CHD6: variants seen among roughly 807,000 people sequenced by gnomAD.
The protein encoded by CHD6 is chromodomain helicase DNA binding protein 6.
A neutral mutation model predicts 276.9 loss-of-function variants in CHD6; 50 were observed. That is an observed-to-expected ratio of 0.18 (90% CI 0.14 to 0.23). CHD6 has a LOEUF of 0.23. Among genes scored for constraint, CHD6 ranks in the 10% least tolerant of loss-of-function variants. CHD6 has a pLI of 1.00. For synonymous variants in CHD6, 1,173 were observed against 1,229.3 expected, an observed-to-expected ratio of 0.95 and a Z score of 0.96; for missense variants, 2,564 against 3,365.8, an observed-to-expected ratio of 0.76 and a Z score of 5.89.
chr20:41,558,798 T>C (rs2045268480), intron 1 of CHD6, among the ~76,000 whole-genome samples: 1 of 152,060 alleles, frequency 6.6e-6, no homozygotes, highest in Non-Finnish European at 1.5e-5. Flanking sequence ...AAATATCACC[T>C]TAGCAGCAAT....
chr20:41,554,252 C>G (rs951299325), intron 1 of CHD6, among the ~76,000 whole-genome samples: 6 of 152,168 alleles, frequency 3.9e-5, no homozygotes, highest in African/African-American at 1.2e-4. Flanking sequence ...GCAGGGACAT[C>G]AGAAAGCACA....
intron 3 of CHD6, among the ~76,000 whole-genome samples, chr20:41,526,095 T>G (rs992112582): frequency 1.2e-4 from 19 of 152,204 alleles, no homozygotes; most frequent in African/African-American, 4.6e-4. Context: ...CCTTACAGAT[T>G]TGGTAAAGGT....
intron 2 of CHD6, 146 bp downstream of exon 2, chr20:41,551,159 A>G (rs1419813433): frequency 1.3e-5 from 8 of 631,466 alleles, no homozygotes; most frequent in Non-Finnish European, 2.2e-5. Context: ...TAAGTCATTC[A>G]GAACAGAGCT....
intron 12 of CHD6, 65 bp from the exon 13 acceptor site, chr20:41,488,669 T>G: frequency 1.4e-6 from 2 of 1,449,536 alleles, no homozygotes; most frequent in South Asian, 2.6e-5. Flanking sequence ...TAATATCTGC[T>G]GGACTACAGG....
At chr20:41,552,542 T>C (rs1845401648) in intron 1 of CHD6, among the ~76,000 whole-genome samples, 1 of 152,220 alleles carries the variant, frequency 6.6e-6, no homozygotes, top group African/African-American at 2.4e-5. Context: ...TTTGTCAATT[T>C]GCAATTTAAA....
In CHD6 at chr20:41,455,950, C is replaced by T. The variant is rs774453443; in HGVS notation, c.2859G>A (p.Glu953=). The change falls in exon 19 of 37, where the codon GAG becomes GAA. Residue 953 remains glutamate, a synonymous_variant. Transcript: ENST00000373233. The stretch of plus-strand genomic sequence containing the variant: ...CATAAGCACCTTTCCGGAGTAGGTC[C>T]TCCACCTCCATTTTTGAGAGCTGCT... The part of the protein sequence containing the change: ...GVQQLSKMEV[E]DLLRKGAYGA... 1 of 1,586,698 alleles carries T rather than the reference C, an allele frequency of 6.3e-7. No homozygotes were observed. The highest frequency in any genetic ancestry group is 1.8e-5 in the Admixed American group (1 of 55,010).
chr20:41,450,441 G>A (rs1173691066), intron 23 of CHD6, among the ~76,000 whole-genome samples: 2 of 151,232 alleles, frequency 1.3e-5, no homozygotes, highest in Non-Finnish European at 2.9e-5. Context: ...TATGAACAAA[G>A]TTTTGTTTTT....
chr20:41,602,065 T>C (rs1254368528), intron 1 of CHD6, among the ~76,000 whole-genome samples: 1 of 152,218 alleles, frequency 6.6e-6, no homozygotes, highest in Non-Finnish European at 1.5e-5. Context: ...CTCTTCCACT[T>C]TCCTAATGAA....
intron 1 of CHD6, among the ~76,000 whole-genome samples, chr20:41,610,483 CG>C (rs1250066453): frequency 6.6e-6 from 1 of 151,978 alleles, no homozygotes; most frequent in Non-Finnish European, 1.5e-5. Flanking sequence ...ATTGATAGGC[CG>C]GGTGCGGTAG....
chr20:41,506,938 A>G (rs2043990180), intron 5 of CHD6, among the ~76,000 whole-genome samples: 1 of 152,242 alleles, frequency 6.6e-6, no homozygotes, highest in Non-Finnish European at 1.5e-5. Flanking sequence ...AAAAGCAAGT[A>G]CTATGAGAAC....
intron 3 of CHD6, among the ~76,000 whole-genome samples, chr20:41,523,771 A>G (rs2044461181): frequency 6.6e-6 from 1 of 151,950 alleles, no homozygotes; most frequent in Non-Finnish European, 1.5e-5. Flanking sequence ...GCTAGAACTG[A>G]GAGTTAGGAA....
intron 1 of CHD6, among the ~76,000 whole-genome samples, chr20:41,586,524 AG>A (rs989977384): frequency 6.6e-6 from 1 of 152,198 alleles, no homozygotes; most frequent in Non-Finnish European, 1.5e-5. Flanking sequence ...AGAATCTGTG[AG>A]GCCAAGAACC....
At chr20:41,492,766 C>T in intron 10 of CHD6, among the ~76,000 whole-genome samples, 1 of 152,148 alleles carries the variant, frequency 6.6e-6, no homozygotes, top group East Asian at 1.9e-4. Flanking sequence ...TAAAAACATA[C>T]AAAAATTAGC....
At chr20:41,429,705 G>T (rs1470377903) in intron 27 of CHD6, among the ~76,000 whole-genome samples, 1 of 152,188 alleles carries the variant, frequency 6.6e-6, no homozygotes, top group African/African-American at 2.4e-5. Flanking sequence ...AAGCTAGATG[G>T]AACCCATGGA....
chr20:41,609,895 C>A (rs1388929236), intron 1 of CHD6, among the ~76,000 whole-genome samples: 7 of 147,702 alleles, frequency 4.7e-5, no homozygotes, highest in Non-Finnish European at 8.9e-5. Flanking sequence ...CTCACTCTGC[C>A]ACCAAGGCTG....
chr20:41,454,610 T>C lies in CHD6; in HGVS notation c.3120+16A>G. The C allele has an allele frequency of 1.3e-6, 2 of 1,568,984 alleles. No individual in the cohort carries two copies. Among genetic ancestry groups the C allele is most frequent in the Middle Eastern group, 1.7e-4 (1 of 5,954 alleles). On this transcript the variant is annotated intron_variant, in intron 20 of 36. Coordinates refer to ENST00000373233, the MANE Select transcript of CHD6 (RefSeq NM_032221.5). ...TAAGTGAATGTTCCATGGAATAAAA[T>C]ATTATTTTGCTGTACCTTTTCATTC...
intron 1 of CHD6, among the ~76,000 whole-genome samples, chr20:41,555,968 C>T (rs1370395576): frequency 1.3e-5 from 2 of 152,242 alleles, no homozygotes; most frequent in African/African-American, 4.8e-5. Context: ...CACCATTGAG[C>T]ACTGAGTGAG....
chr20:41,473,556 C>T lies in CHD6; in HGVS notation c.2469-39G>A. On this transcript the variant is annotated intron_variant, in intron 16 of 36. Coordinates refer to ENST00000373233, the MANE Select transcript of CHD6 (RefSeq NM_032221.5). The surrounding 1 kb of genome is among the most constrained non-coding windows in gnomAD (Gnocchi z 4.1). ...AATGAACGAAAGCCCAGGCGTTAAT[C>T]ATGACTTCAATGGAGAACAGCACAA... 1 of 1,558,040 alleles carries T rather than the reference C, an allele frequency of 6.4e-7. No individual in the cohort carries two copies. The highest frequency in any genetic ancestry group is 8.8e-7 in the Non-Finnish European group (1 of 1,130,870).
rs755562268 is a variant in CHD6 at position 41,416,600 on chromosome 20, G to C, written c.6474C>G (p.Ala2158=). 4.5e-5 allele frequency: 73 copies of C among 1,611,492 alleles called. 1 individual carries two copies. In the South Asian group the frequency reaches 7.5e-4, roughly 17 times the overall value. The change falls in exon 33 of 37, where the codon GCC becomes GCG. Residue 2158 remains alanine (A), a synonymous_variant. Transcript: ENST00000373233. ...CTTGCCGGCTCACCTTGTGGATCTG[G>C]GCCGCCAATGCTGCGCCGTTGCTGA... The part of the protein sequence containing the change: ...HSFSNGAALA[A]QIHKESFLAP...
Sources: gnomAD v4.1 joint callset for allele counts (sites outside exome capture counted in the v4.1 genomes callset) on GRCh38, gnomAD v4.1.1 for gene constraint, Gnocchi (gnomAD v3.1) non-coding constraint, MANE v1.5 for transcripts, NCBI Gene and HGNC (gene_info 2026-07-23, HGNC 2026-07-21) for gene names.